The following SGK1 variants were observed in gnomAD, a reference collection of about 807,000 sequenced individuals.
SGK1 encodes serine/threonine-protein kinase Sgk1.
SGK1 carries 26 observed loss-of-function variants against 64.2 expected under a neutral mutation model. The observed-to-expected ratio is 0.40, with a 90% CI of 0.30 to 0.56. The LOEUF is 0.56. SGK1 is among the 20% of genes least tolerant of loss of function. SGK1 has a pLI of 0.38. For missense variants in SGK1, 519 were observed against 645.6 expected, an observed-to-expected ratio of 0.80 and a Z score of 2.12; for synonymous variants, 265 against 239.7, an observed-to-expected ratio of 1.11 and a Z score of -0.98.
intron 8 of SGK1, 100 bp downstream of exon 8, chr6:134,172,923 C>T (rs1340972062): frequency 1.4e-6 from 2 of 1,386,338 alleles, no homozygotes; most frequent in Non-Finnish European, 2.0e-6. Flanking sequence ...ATTCTGGTAA[C>T]ATTCTCCCCA....
At chr6:134,172,407 C>A in intron 9 of SGK1, 91 bp from the exon 10 acceptor site, 2 of 1,296,090 alleles carry the variant, frequency 1.5e-6, no homozygotes, top group Non-Finnish European at 2.2e-6. Context: ...GTATTAGAGG[C>A]ATTTTAGGTT....
intron 1 of SGK1, among the ~76,000 whole-genome samples, chr6:134,300,632 G>GTTTT (rs775160946): frequency 2.5e-5 from 3 of 120,846 alleles, no homozygotes; most frequent in Admixed American, 1.0e-4. Flanking sequence ...TAAATGTTTG[G>GTTTT]TTTTTTTTTT....
At chr6:134,286,428 C>A (rs554903649) in intron 1 of SGK1, among the ~76,000 whole-genome samples, 26 of 151,396 alleles carry the variant, frequency 1.7e-4, no homozygotes, top group African/African-American at 5.8e-4. Flanking sequence ...TGCACTCCAG[C>A]GTGGGTGACA....
rs530964619 is a variant in SGK1, at chr6:134,195,345, T to G, written c.361+12011A>C. Among the ~76,000 whole-genome samples, 221 of 152,296 alleles carry G rather than the reference T, an allele frequency of 1.5e-3. 5 individuals are homozygous for G. The South Asian group carries it at 0.043, about 30-fold the overall frequency. On this transcript the variant is annotated intron_variant, in intron 3 of 13. Transcript: ENST00000367858. ...AAGTTCCACAAACGCAGAAACAGAT[T>G]TTGCTCCAATTGGAAAGCTTCAGAA... is the stretch of plus-strand genomic sequence containing the variant.
intron 3 of SGK1, among the ~76,000 whole-genome samples, chr6:134,189,161 G>T (rs1028405903): frequency 6.6e-6 from 1 of 151,710 alleles, no homozygotes; most frequent in African/African-American, 2.4e-5. Flanking sequence ...ATGGTTTGGG[G>T]CCAAGCATTT....
chr6:134,177,243 AAAC>A (rs1775258143), intron 3 of SGK1, among the ~76,000 whole-genome samples: 1 of 152,096 alleles, frequency 6.6e-6, no homozygotes, highest in African/African-American at 2.4e-5. Flanking sequence ...AACAAAACAA[AAAC>A]AAAAACAAAA....
intron 3 of SGK1, chr6:134,174,919 C>T: frequency 6.5e-7 from 1 of 1,542,812 alleles, no homozygotes; most frequent in Non-Finnish European, 8.7e-7. Context: ...GGGGCGGGGC[C>T]TGCGCGACAG....
At chr6:134,289,003 T>A (rs1431324681) in intron 1 of SGK1, among the ~76,000 whole-genome samples, 1 of 152,216 alleles carries the variant, frequency 6.6e-6, no homozygotes, top group African/African-American at 2.4e-5. Flanking sequence ...AACCTCAGAT[T>A]TTTTCCACAG....
intron 1 of SGK1, among the ~76,000 whole-genome samples, chr6:134,285,532 ATT>A (rs370972130): frequency 5.0e-5 from 7 of 139,498 alleles, no homozygotes; most frequent in Admixed American, 7.3e-5. Flanking sequence ...ACCAGCATCA[ATT>A]TTTTTTTTTT....
chr6:134,270,156 G>A (rs1287323186), intron 1 of SGK1, among the ~76,000 whole-genome samples: 2 of 147,890 alleles, frequency 1.4e-5, no homozygotes, highest in African/African-American at 4.9e-5. Context: ...CCTGACCTCA[G>A]GTGATCCATC....
intron 1 of SGK1, among the ~76,000 whole-genome samples, chr6:134,286,499 T>G (rs903842777): frequency 7.1e-6 from 1 of 140,960 alleles, no homozygotes; most frequent in African/African-American, 2.6e-5. Context: ...TTTTTTTTTT[T>G]GAGACGGAGT....
At chr6:134,207,100 C>G (rs1775804686) in intron 3 of SGK1, among the ~76,000 whole-genome samples, 1 of 151,920 alleles carries the variant, frequency 6.6e-6, no homozygotes, top group Non-Finnish European at 1.5e-5. Context: ...GTGGCGGGCG[C>G]CTACAGTCCC....
At chr6:134,172,431 T>C (rs894045485) in intron 9 of SGK1, 115 bp from the exon 10 acceptor site, 164 of 1,059,390 alleles carry the variant, frequency 1.5e-4, no homozygotes, top group Non-Finnish European at 2.1e-4. Context: ...TGTAGTTGTG[T>C]AGTGAAGAAA....
At chr6:134,268,722 C>CAAA (rs559703087) in intron 1 of SGK1, among the ~76,000 whole-genome samples, 8,314 of 72,102 alleles carry the variant, frequency 0.12, 557 homozygotes, top group Middle Eastern at 0.2. Flanking sequence ...GACTCTGTCT[C>CAAA]AAAAAAAAAA....
At chr6:134,221,268 A>T (rs1477631745) in intron 2 of SGK1, among the ~76,000 whole-genome samples, 1 of 152,024 alleles carries the variant, frequency 6.6e-6, no homozygotes, top group Non-Finnish European at 1.5e-5. Context: ...TGTGCCACTG[A>T]TCTCCAGCCT....
chr6:134,174,372 A>C, intron 4 of SGK1, 139 bp downstream of exon 4: 1 of 647,064 alleles, frequency 1.5e-6, no homozygotes, highest in South Asian at 2.0e-5. Context: ...AATGTGTCAA[A>C]TATATTAGAA....
intron 2 of SGK1, among the ~76,000 whole-genome samples, chr6:134,253,380 G>A (rs915672249): frequency 1.3e-5 from 2 of 151,346 alleles, no homozygotes; most frequent in Non-Finnish European, 2.9e-5. Flanking sequence ...CTATCGTCTC[G>A]CCTCTTGCCT....
chr6:134,233,028 CTAAGTT>C (rs1165008801), intron 2 of SGK1, among the ~76,000 whole-genome samples: 6 of 150,638 alleles, frequency 4.0e-5, no homozygotes, highest in Non-Finnish European at 7.4e-5. Flanking sequence ...ATCTATATCT[CTAAGTT>C]TATCTATCTA....
chr6:134,297,245 C>T (rs759690807), intron 1 of SGK1: 27 of 1,162,030 alleles, frequency 2.3e-5, no homozygotes, highest in Non-Finnish European at 3.3e-5. Context: ...CCTCCAGCAG[C>T]TTCCTGTAGG....
Sources: allele counts gnomAD v4.1 joint callset (sites outside exome capture counted in the v4.1 genomes callset), GRCh38; gene constraint gnomAD v4.1.1; transcripts MANE v1.5; gene names NCBI Gene and HGNC (gene_info 2026-07-23, HGNC 2026-07-21).